The following PTGER3 variants were observed in gnomAD, a reference collection of about 807,000 sequenced individuals.
PTGER3 encodes prostaglandin E receptor 3.
In PTGER3, 22 loss-of-function variants were observed where a neutral mutation model predicts 34.7. That is an observed-to-expected ratio of 0.63 (90% CI 0.45 to 0.91). The LOEUF is 0.91. Ranked by LOEUF, PTGER3 falls within the 40% of genes least tolerant of loss-of-function variation. The pLI is 0.00. For missense variants in PTGER3, 468 were observed against 519.4 expected (o/e 0.90, Z 0.96); for synonymous variants, 241 against 230.1 (o/e 1.05, Z -0.43).
intron 1 of PTGER3, among the ~76,000 whole-genome samples, chr1:71,026,498 C>T (rs968715795): frequency 3.3e-5 from 5 of 152,006 alleles, no homozygotes; most frequent in African/African-American, 1.2e-4. Context: ...CAATTTTATA[C>T]CAGGTTTGAA....
At chr1:70,880,871 G>A (rs1646377076) in intron 4 of PTGER3, among the ~76,000 whole-genome samples, 2 of 151,584 alleles carry the variant, frequency 1.3e-5, no homozygotes, top group African/African-American at 2.4e-5. Context: ...AGAATCTGAC[G>A]ACTATGTGTC....
At chr1:70,936,741 C>T (rs1033991440) in intron 4 of PTGER3, among the ~76,000 whole-genome samples, 6 of 152,162 alleles carry the variant, frequency 3.9e-5, no homozygotes, top group African/African-American at 1.4e-4. Flanking sequence ...TAAATTCATA[C>T]TTCTCTGTAG....
intron 2 of PTGER3, chr1:71,009,481 A>G (rs1435480135): frequency 1.0e-6 from 1 of 982,698 alleles, no homozygotes; most frequent in Non-Finnish European, 1.2e-6. Flanking sequence ...ACTTCAAGAT[A>G]TTTTTAAGAC....
intron 1 of PTGER3, among the ~76,000 whole-genome samples, chr1:71,046,285 CA>C (rs34411077): frequency 0.099 from 7,976 of 80,962 alleles, 219 homozygotes; most frequent in East Asian, 0.31. Context: ...GACTCCGTCT[CA>C]AAAAAAAAAA....
intron 4 of PTGER3, among the ~76,000 whole-genome samples, chr1:70,857,259 T>C (rs1645826918): frequency 6.6e-6 from 1 of 152,330 alleles, no homozygotes; most frequent in Admixed American, 6.5e-5. Flanking sequence ...AATCTGAAAA[T>C]GCATTTATTT....
rs147966913 is a variant in PTGER3, at chr1:70,918,704, G to A, written c.*23+35059C>T. Among the ~76,000 whole-genome samples, 218 of 152,118 alleles carry A rather than the reference G, an allele frequency of 1.4e-3. 3 individuals carry two copies. The highest frequency in any genetic ancestry group is 4.8e-3 in the African/African-American group (198 of 41,538). On this transcript the variant is annotated intron_variant, in intron 4 of 4. Transcript: ENST00000370931. The stretch of plus-strand genomic sequence containing the variant: ...CCAAAACCCAGAAAACATTAGAATA[G>A]GTGATCCTCTAGCTCCTGACAGCAC...
In PTGER3 at chr1:70,903,701, T is replaced by C. The variant is rs188158300; in HGVS notation, c.*23+50062A>G. Among the ~76,000 whole-genome samples the C allele has an allele frequency of 1.5e-3, 229 of 152,160 alleles. 4 individuals carry two copies. Among genetic ancestry groups the C allele is most frequent in the Admixed American group, 0.014 (211 of 15,292 alleles). The stretch of plus-strand genomic sequence containing the variant: ...CCAAGAGTCTTTTGCAGGCCCAGAC[T>C]GGGGAATAAACCAGAGGAGGAGGGA... On this transcript the variant is annotated intron_variant, in intron 4 of 4. Coordinates refer to the PTGER3 transcript ENST00000370931.
chr1:70,927,324 G>C (rs995528879), intron 4 of PTGER3, among the ~76,000 whole-genome samples: 3 of 152,072 alleles, frequency 2.0e-5, no homozygotes, highest in African/African-American at 7.2e-5. Flanking sequence ...ACTCTTTTTG[G>C]TTGGAACCTA....
At chr1:70,980,174 T>A (rs950465048) in intron 2 of PTGER3, among the ~76,000 whole-genome samples, 2 of 152,140 alleles carry the variant, frequency 1.3e-5, no homozygotes, top group East Asian at 3.9e-4. Context: ...CAGCTAGTTA[T>A]TGTGGATGTT....
At chr1:71,046,494 C>CGCTCAGCTAGTAAGTGAGGA (rs1660828800) in intron 1 of PTGER3, among the ~76,000 whole-genome samples, 187 bp downstream of exon 1, 1 of 152,180 alleles carries the variant, frequency 6.6e-6, no homozygotes, top group Non-Finnish European at 1.5e-5. Context: ...TCTTGGAAGG[C>CGCTCAGCTAGTAAGTGAGGA]GCTCAGCTAG....
At chr1:70,933,964 G>A (rs918202840) in intron 4 of PTGER3, among the ~76,000 whole-genome samples, 1 of 152,124 alleles carries the variant, frequency 6.6e-6, no homozygotes, top group South Asian at 2.1e-4. Context: ...TATGCTCTAA[G>A]TGCTGAAGTA....
At chr1:70,905,957 G>A (rs1268032237) in intron 4 of PTGER3, among the ~76,000 whole-genome samples, 1 of 152,168 alleles carries the variant, frequency 6.6e-6, no homozygotes, top group Non-Finnish European at 1.5e-5. Context: ...GAAGAACCTG[G>A]TGGGAGGTGA....
chr1:70,860,567 A>G (rs1341144090), intron 4 of PTGER3, among the ~76,000 whole-genome samples: 5 of 152,170 alleles, frequency 3.3e-5, no homozygotes, highest in Non-Finnish European at 5.9e-5. Flanking sequence ...TTTGTTTTTT[A>G]GTTAGAAGTT....
intron 4 of PTGER3, among the ~76,000 whole-genome samples, chr1:70,915,720 C>T (rs1647160523): frequency 6.6e-6 from 1 of 151,868 alleles, no homozygotes; most frequent in South Asian, 2.1e-4. Flanking sequence ...GTGTCCTTTC[C>T]CCACTGCTTG....
chr1:70,993,619 A>ATGAC, intron 2 of PTGER3, among the ~76,000 whole-genome samples: 1 of 152,292 alleles, frequency 6.6e-6, no homozygotes, highest in South Asian at 2.1e-4. Context: ...ATTTTCAGGA[A>ATGAC]TGACTGGGAG....
chr1:70,854,499 G>T (rs995802788), intron 4 of PTGER3, among the ~76,000 whole-genome samples: 1 of 152,134 alleles, frequency 6.6e-6, no homozygotes, highest in African/African-American at 2.4e-5. Flanking sequence ...TGTCAGAGGA[G>T]GGGCCTGGTG....
chr1:71,039,393 G>A (rs2100985275), intron 1 of PTGER3, among the ~76,000 whole-genome samples: 1 of 152,178 alleles, frequency 6.6e-6, no homozygotes, highest in East Asian at 1.9e-4. Flanking sequence ...TAGGCACCCT[G>A]TAATCCCAGC....
At chr1:71,018,347 T>C (rs1658101424) in intron 1 of PTGER3, among the ~76,000 whole-genome samples, 1 of 152,196 alleles carries the variant, frequency 6.6e-6, no homozygotes, top group Admixed American at 6.5e-5. Flanking sequence ...TTATCTCAAT[T>C]TCTAAATTTA....
intron 4 of PTGER3, chr1:70,886,367 C>A: frequency 2.3e-6 from 1 of 435,932 alleles, no homozygotes. Context: ...GCCACCTAGT[C>A]TGTGGTATCT....
Sources: allele counts gnomAD v4.1 joint callset (sites outside exome capture counted in the v4.1 genomes callset), GRCh38; gene constraint gnomAD v4.1.1; transcripts MANE v1.5; gene names NCBI Gene and HGNC (gene_info 2026-07-23, HGNC 2026-07-21).